The following IGBP1C variants were observed in gnomAD, a reference collection of about 807,000 sequenced individuals.
The protein encoded by IGBP1C is IGBP1 family member C.
At chr17:58,689,140 C>T in the IGBP1C span, among the ~76,000 whole-genome samples, 1 of 152,028 alleles carries the variant, frequency 6.6e-6, no homozygotes, top group East Asian at 1.9e-4. Context: ...CCGTGTTAGC[C>T]AGGATAGTCT....
the IGBP1C span, among the ~76,000 whole-genome samples, chr17:58,685,272 A>G: frequency 2.7e-5 from 4 of 150,434 alleles, no homozygotes; most frequent in Admixed American, 6.6e-5. Flanking sequence ...CGTCTCTACT[A>G]AAAAAATACA....
At chr17:58,680,204 G>A in the IGBP1C span, among the ~76,000 whole-genome samples, 2 of 152,076 alleles carry the variant, frequency 1.3e-5, no homozygotes, top group Admixed American at 6.6e-5. Context: ...GCAAAAACAG[G>A]CGCGCACGGC....
chr17:58,670,786 A>C, the IGBP1C span, among the ~76,000 whole-genome samples: 3 of 150,808 alleles, frequency 2.0e-5, no homozygotes, highest in Admixed American at 6.6e-5. Flanking sequence ...AAAAAAAAAA[A>C]AAAAAAAAAA....
chr17:58,661,465 G>A, the IGBP1C span: 1 of 783,046 alleles, frequency 1.3e-6, no homozygotes, highest in Non-Finnish European at 2.4e-6. Context: ...CGAGGCCCTT[G>A]AACACCTTTT....
At chr17:58,666,068 G>A in the IGBP1C span, among the ~76,000 whole-genome samples, 5 of 151,696 alleles carry the variant, frequency 3.3e-5, no homozygotes, top group East Asian at 7.8e-4. Context: ...AAAAAATTGG[G>A]TGCCATGGCT....
the IGBP1C span, among the ~76,000 whole-genome samples, chr17:58,677,245 A>C: frequency 6.6e-6 from 1 of 152,114 alleles, no homozygotes. Flanking sequence ...ATTGAGCACC[A>C]CTGTACTCCA....
chr17:58,690,352 G>A, the IGBP1C span, among the ~76,000 whole-genome samples: 2,471 of 152,156 alleles, frequency 0.016, 38 homozygotes, highest in South Asian at 0.042. Context: ...TTTTTGTAGA[G>A]ATGGGGTTTT....
the IGBP1C span, among the ~76,000 whole-genome samples, chr17:58,683,156 T>C: frequency 1.3e-5 from 2 of 150,624 alleles, no homozygotes; most frequent in Non-Finnish European, 3.0e-5. Context: ...GTGAATCACT[T>C]GAGGTCAAGA....
At chr17:58,661,179 C>A in the IGBP1C span, 1 of 804,894 alleles carries the variant, frequency 1.2e-6, no homozygotes. Context: ...GAGGTAATAG[C>A]ACCGTGATTT....
chr17:58,660,963 T>G, the IGBP1C span: 1 of 1,133,184 alleles, frequency 8.8e-7, no homozygotes, highest in Non-Finnish European at 1.4e-6. Context: ...TCCTGATCAA[T>G]GCTCTCAATC....
the IGBP1C span, among the ~76,000 whole-genome samples, chr17:58,669,791 C>G: frequency 6.8e-6 from 1 of 147,286 alleles, no homozygotes; most frequent in South Asian, 2.2e-4. Flanking sequence ...TGAGGTTTAG[C>G]AAGAAGCACC....
the IGBP1C span, chr17:58,677,508 C>T: frequency 6.6e-6 from 1 of 152,182 alleles, no homozygotes; most frequent in Non-Finnish European, 1.5e-5. Flanking sequence ...AAGAAACAAG[C>T]AAGGAGAAGC....
At chr17:58,660,644 G>T in the IGBP1C span, 1 of 788,152 alleles carries the variant, frequency 1.3e-6, no homozygotes, top group South Asian at 1.3e-5. Flanking sequence ...CCACTCTCGA[G>T]CTCTTTGGAG....
the IGBP1C span, chr17:58,666,482 A>T: frequency 2.1e-3 from 311 of 150,094 alleles, 9 homozygotes; most frequent in African/African-American, 7.3e-3. Context: ...AAAAAAAAAA[A>T]AAAAAGCAAA....
chr17:58,684,669 AT>A, the IGBP1C span, among the ~76,000 whole-genome samples: 3 of 137,316 alleles, frequency 2.2e-5, no homozygotes, highest in East Asian at 6.4e-4. Context: ...AAATAAATAA[AT>A]AAATAAATAA....
the IGBP1C span, among the ~76,000 whole-genome samples, chr17:58,663,119 A>G: frequency 2.0e-5 from 3 of 151,046 alleles, no homozygotes; most frequent in African/African-American, 7.3e-5. Context: ...AAAAAAAAAA[A>G]AAAAGAAAAG....
At chr17:58,681,369 G>A in the IGBP1C span, among the ~76,000 whole-genome samples, 1 of 152,160 alleles carries the variant, frequency 6.6e-6, no homozygotes, top group Admixed American at 6.6e-5. Context: ...CAAGGAGGTA[G>A]GGGATTCTGT....
At chr17:58,661,184 T>C in the IGBP1C span, 5 of 802,612 alleles carry the variant, frequency 6.2e-6, no homozygotes, top group Non-Finnish European at 1.1e-5. Flanking sequence ...AATAGCACCG[T>C]GATTTTCAGC....
At chr17:58,686,321 G>A in the IGBP1C span, among the ~76,000 whole-genome samples, 2 of 152,098 alleles carry the variant, frequency 1.3e-5, no homozygotes, top group African/African-American at 2.4e-5. Flanking sequence ...GGAAGGAGGT[G>A]TCAAGGATGA....
Sources: allele counts gnomAD v4.1 joint callset (sites outside exome capture counted in the v4.1 genomes callset), GRCh38; gene constraint gnomAD v4.1.1; transcripts MANE v1.5; gene names NCBI Gene and HGNC (gene_info 2026-07-23, HGNC 2026-07-21).